AGMO: variants seen among roughly 807,000 people sequenced by gnomAD.
The protein encoded by AGMO is glyceryl-ether monooxygenase.
Under a neutral mutation model 60.2 loss-of-function variants are expected in AGMO, and 75 were observed. The ratio of observed to expected loss-of-function variants is 1.25; its 90% CI spans 1.03 to 1.51. The LOEUF (loss-of-function observed/expected upper bound fraction) is 1.51, where lower values mean the gene tolerates loss of function less well. Among genes scored for constraint, AGMO ranks in the 40% most tolerant of loss-of-function variants. AGMO has a pLI of 0.00. For missense variants in AGMO, 763 were observed against 525.5 expected, an observed-to-expected ratio of 1.45 and a Z score of -4.42; for synonymous variants, 261 against 177.1, an observed-to-expected ratio of 1.47 and a Z score of -3.76.
At chr7:15,140,931 G>A in the AGMO span, among the ~76,000 whole-genome samples, 1 of 152,022 alleles carries the variant, frequency 6.6e-6, no homozygotes, top group Non-Finnish European at 1.5e-5. Context: ...GTTTTCTTGT[G>A]TGTTTGGGGC....
At chr7:15,343,615 C>A (rs1009484537) in intron 12 of AGMO, among the ~76,000 whole-genome samples, 8 of 152,130 alleles carry the variant, frequency 5.3e-5, no homozygotes, top group Admixed American at 4.6e-4. Context: ...TTCTGAATCA[C>A]ATCCACAGCT....
rs368194321 is a variant in AGMO at position 15,213,694 on chromosome 7, G to A, written c.1264-12335C>T. ...AGATATCAAGATTCCTGATCTCCTC[G>A]ATGGAGATAAGCTAGCTTCCTGGCA... is the stretch of plus-strand genomic sequence containing the variant. On this transcript the variant is annotated intron_variant, in intron 12 of 12. Coordinates refer to ENST00000342526, the MANE Select transcript of AGMO (RefSeq NM_001004320.2). Among the ~76,000 whole-genome samples the A allele has an allele frequency of 5.3e-5, 8 of 152,002 alleles. No homozygotes were observed. In the East Asian group the frequency reaches 9.7e-4, roughly 18 times the overall value.
At chr7:15,118,165 TAAAGAG>T in the AGMO span, among the ~76,000 whole-genome samples, 157 of 49,010 alleles carry the variant, frequency 3.2e-3, no homozygotes, top group East Asian at 8.8e-3. Context: ...TAAAAACCAC[TAAAGAG>T]AAACACACAC....
rs561697174 is a variant in AGMO, at chr7:15,385,442, T to A, written c.1074+4A>T. The A allele has an allele frequency of 6.5e-7, 1 of 1,539,406 alleles. No individual in the cohort carries two copies. The highest frequency in any genetic ancestry group is 9.0e-7 in the Non-Finnish European group (1 of 1,114,272). On this transcript the variant is annotated splice_donor_region_variant and intron_variant, in intron 10 of 12. Transcript: ENST00000342526. Reference sequence around the variant, plus strand: ...TCACACTACTTAAAATGGATATTACTTACAGCTGTATCTGCAAAGGTCTCT... The same window carrying A: ...TCACACTACTTAAAATGGATATTACATACAGCTGTATCTGCAAAGGTCTCT...
At chr7:15,260,726 G>A (rs1408631352) in intron 12 of AGMO, among the ~76,000 whole-genome samples, 1 of 151,952 alleles carries the variant, frequency 6.6e-6, no homozygotes, top group Non-Finnish European at 1.5e-5. Context: ...CTATTCATTA[G>A]CACATAAAAC....
In AGMO at chr7:15,201,349, GA is replaced by G. The variant is rs1015561522; in HGVS notation, c.1273del (p.Ser425ProfsTer12). On this transcript the variant is annotated frameshift_variant, in exon 13 of 13. Transcript: ENST00000342526. LOFTEE classifies it high-confidence loss of function. ...AACTCCCCAGAAAGCAATGCAAATGGAAAAAACAATCTGAAGAAATAAAACA... is the reference window on the plus strand; with the variant it reads ...AACTCCCCAGAAAGCAATGCAAATGGAAAAACAATCTGAAGAAATAAAACA... The part of the protein sequence containing the change: ...SLSSAFEIVF[S>X]ICIAFWGVRS... 1.2e-6 allele frequency: 2 copies of G among 1,608,700 alleles called. No individual in the cohort carries two copies. Among genetic ancestry groups the G allele is most frequent in the Non-Finnish European group, 1.7e-6 (2 of 1,177,250 alleles).
At chr7:15,308,355 C>T (rs1232250381) in intron 12 of AGMO, among the ~76,000 whole-genome samples, 1 of 152,062 alleles carries the variant, frequency 6.6e-6, no homozygotes, top group African/African-American at 2.4e-5. Context: ...TACCCCCACA[C>T]TTCTTTTTTA....
At position 15,354,398 on chromosome 7, in the gene AGMO, GTGTGTGTA is replaced by G. The variant is rs1302835049; in HGVS notation, c.1263+11108_1263+11115del. ...TGTGTATACACGTGTGTGTATACAC[GTGTGTGTA>G]CACACGTGTGTGTATACACACACGT... On this transcript the variant is annotated intron_variant, in intron 12 of 12. Transcript: ENST00000342526. Among the ~76,000 whole-genome samples, 14 of 27,430 alleles carry G rather than the reference GTGTGTGTA, an allele frequency of 5.1e-4. 2 individuals carry two copies. Among genetic ancestry groups the G allele is most frequent in the African/African-American group, 2.9e-3 (10 of 3,456 alleles). The allele number at this position is 27,430 out of a possible 152,430, so 18.0% of individuals were successfully genotyped here.
the AGMO span, among the ~76,000 whole-genome samples, chr7:15,167,876 T>C: frequency 3.5e-4 from 54 of 152,208 alleles, no homozygotes; most frequent in Non-Finnish European, 5.6e-4. Flanking sequence ...TAAACCTTAA[T>C]AAATATGGGA....
intron 12 of AGMO, among the ~76,000 whole-genome samples, chr7:15,301,947 G>A (rs1195051949): frequency 6.6e-6 from 1 of 152,138 alleles, no homozygotes; most frequent in African/African-American, 2.4e-5. Flanking sequence ...GGTGCTGAAA[G>A]AAGGGAAATA....
chr7:15,351,149 A>C (rs370446457), intron 12 of AGMO, among the ~76,000 whole-genome samples: 1 of 152,116 alleles, frequency 6.6e-6, no homozygotes, highest in Admixed American at 6.6e-5. Context: ...AGCAGGTAGT[A>C]ATCTTCATTC....
At chr7:15,554,663 T>C (rs1048826152) in intron 2 of AGMO, among the ~76,000 whole-genome samples, 2 of 152,126 alleles carry the variant, frequency 1.3e-5, no homozygotes, top group Admixed American at 1.3e-4. Flanking sequence ...AATGTTCAGT[T>C]ACTACAAAAA....
At chr7:15,161,586 T>A in the AGMO span, among the ~76,000 whole-genome samples, 2 of 151,520 alleles carry the variant, frequency 1.3e-5, no homozygotes, top group Non-Finnish European at 2.9e-5. Flanking sequence ...TATGTGTATA[T>A]ATACATATAT....
chr7:15,552,149 C>A (rs1160177255), intron 2 of AGMO, among the ~76,000 whole-genome samples: 47 of 152,286 alleles, frequency 3.1e-4, no homozygotes, highest in African/African-American at 1.1e-3. Context: ...CCCTTCCTTA[C>A]ACCCTATACA....
chr7:15,143,996 T>C, the AGMO span, among the ~76,000 whole-genome samples: 2 of 152,216 alleles, frequency 1.3e-5, no homozygotes, highest in South Asian at 4.1e-4. Flanking sequence ...AAACAGATTA[T>C]CACAACACAT....
At chr7:15,548,031 A>G (rs571533294) in intron 2 of AGMO, among the ~76,000 whole-genome samples, 3,992 of 149,698 alleles carry the variant, frequency 0.027, 80 homozygotes, top group African/African-American at 0.061. Context: ...CAGCCTAACT[A>G]GGAGGCACCC....
At chr7:15,258,325 G>A (rs1414447713) in intron 12 of AGMO, among the ~76,000 whole-genome samples, 1 of 151,848 alleles carries the variant, frequency 6.6e-6, no homozygotes, top group Non-Finnish European at 1.5e-5. Context: ...GGGGTGGTAT[G>A]TTCTTTCCTT....
intron 12 of AGMO, among the ~76,000 whole-genome samples, chr7:15,301,954 A>C (rs902572969): frequency 1.1e-4 from 16 of 152,150 alleles, no homozygotes; most frequent in Non-Finnish European, 2.1e-4. Flanking sequence ...AAAGAAGGGA[A>C]ATAGTATCAG....
At chr7:15,333,195 G>A (rs1781550410) in intron 12 of AGMO, among the ~76,000 whole-genome samples, 1 of 152,144 alleles carries the variant, frequency 6.6e-6, no homozygotes, top group African/African-American at 2.4e-5. Flanking sequence ...CCCAGCAGGT[G>A]TCAAGACTCA....
Sources: gnomAD v4.1 joint callset for allele counts (sites outside exome capture counted in the v4.1 genomes callset) on GRCh38, gnomAD v4.1.1 for gene constraint, MANE v1.5 for transcripts, NCBI Gene and HGNC (gene_info 2026-07-23, HGNC 2026-07-21) for gene names.